Variants in NAALADL2 observed in about 807,000 individuals in gnomAD.
NAALADL2 encodes inactive N-acetylated-alpha-linked acidic dipeptidase-like protein 2.
In NAALADL2, 76 loss-of-function variants were observed where a neutral mutation model predicts 87.2. That is an observed-to-expected ratio of 0.87 (90% CI 0.72 to 1.05). The LOEUF is 1.05. Ranked by LOEUF, NAALADL2 falls within the 50% of genes least tolerant of loss-of-function variation. The pLI, the probability that NAALADL2 is intolerant of heterozygous loss-of-function variation, is 0.00. For synonymous variants in NAALADL2, 354 were observed against 331.0 expected (o/e 1.07, Z -0.75); for missense variants, 1,089 against 945.8 (o/e 1.15, Z -1.99).
intron 1 of NAALADL2, among the ~76,000 whole-genome samples, chr3:175,070,606 A>G (rs1317899111): frequency 1.3e-5 from 2 of 152,084 alleles, no homozygotes; most frequent in Admixed American, 6.6e-5. Context: ...GTCACTACCT[A>G]TCAAAGGAAA....
At chr3:175,550,675 A>T (rs935342006) in intron 9 of NAALADL2, among the ~76,000 whole-genome samples, 1 of 152,174 alleles carries the variant, frequency 6.6e-6, no homozygotes, top group East Asian at 1.9e-4. Context: ...CATTATTCTG[A>T]TCTCAATAAC....
intron 11 of NAALADL2, among the ~76,000 whole-genome samples, chr3:175,645,692 C>T (rs1052873991): frequency 6.6e-6 from 1 of 151,950 alleles, no homozygotes; most frequent in African/African-American, 2.4e-5. Flanking sequence ...AACTAGAGAA[C>T]AAGGTAATGG....
chr3:175,224,480 G>A (rs1743869199), intron 2 of NAALADL2, among the ~76,000 whole-genome samples: 1 of 152,108 alleles, frequency 6.6e-6, no homozygotes, highest in Non-Finnish European at 1.5e-5. Flanking sequence ...TAGCTTTTAT[G>A]CTTAAACCAG....
chr3:175,565,388 A>T (rs1482658699), intron 9 of NAALADL2, among the ~76,000 whole-genome samples: 1 of 152,192 alleles, frequency 6.6e-6, no homozygotes, highest in Non-Finnish European at 1.5e-5. Flanking sequence ...TAATACATTG[A>T]TACTTTCCTA....
At chr3:175,183,495 G>A (rs1040217166) in intron 2 of NAALADL2, among the ~76,000 whole-genome samples, 1 of 151,898 alleles carries the variant, frequency 6.6e-6, no homozygotes, top group Non-Finnish European at 1.5e-5. Context: ...CCTTTATTGT[G>A]TTAAGGTATA....
At chr3:175,131,042 C>G (rs1198320713) in intron 2 of NAALADL2, among the ~76,000 whole-genome samples, 1 of 151,982 alleles carries the variant, frequency 6.6e-6, no homozygotes, top group Admixed American at 6.5e-5. Flanking sequence ...CATGTACATG[C>G]TATATCTTTC....
At chr3:174,641,798 C>T (rs768324242) in intron 2 of NAALADL2, among the ~76,000 whole-genome samples, 1 of 152,166 alleles carries the variant, frequency 6.6e-6, no homozygotes, top group Non-Finnish European at 1.5e-5. Flanking sequence ...TTCTGTCACC[C>T]AGGGTGGATT....
intron 11 of NAALADL2, among the ~76,000 whole-genome samples, chr3:175,695,458 G>A (rs191538204): frequency 1.6e-4 from 24 of 152,148 alleles, no homozygotes; most frequent in East Asian, 3.9e-4. Context: ...TTTTTCCAAC[G>A]TCTGTTGTAG....
chr3:175,351,890 A>G (rs6778170), intron 5 of NAALADL2, among the ~76,000 whole-genome samples: 10,907 of 152,106 alleles, frequency 0.072, 1,214 homozygotes, highest in African/African-American at 0.24. Context: ...CAATTACATC[A>G]TAGAAATAAA....
At chr3:174,827,152 A>T (rs1218375788) in intron 3 of NAALADL2, among the ~76,000 whole-genome samples, 1 of 152,110 alleles carries the variant, frequency 6.6e-6, no homozygotes, top group African/African-American at 2.4e-5. Context: ...TTCTCACCTA[A>T]TAGAATAGTC....
chr3:174,909,641 G>A (rs1733434482), intron 1 of NAALADL2, among the ~76,000 whole-genome samples: 1 of 152,058 alleles, frequency 6.6e-6, no homozygotes, highest in Admixed American at 6.6e-5. Context: ...TACCTACTTG[G>A]TTTCAAATAC....
chr3:174,624,941 T>C (rs1007801160), intron 2 of NAALADL2, among the ~76,000 whole-genome samples: 1 of 152,120 alleles, frequency 6.6e-6, no homozygotes, highest in Non-Finnish European at 1.5e-5. Flanking sequence ...GCATTCTCTT[T>C]AGAAAGTCTT....
intron 1 of NAALADL2, among the ~76,000 whole-genome samples, chr3:174,875,774 C>CTTTA (rs781766045): frequency 3.1e-3 from 476 of 152,108 alleles, no homozygotes; most frequent in Middle Eastern, 0.014. Context: ...CATTTAAAAG[C>CTTTA]AGTCTTAAAG....
At chr3:175,204,647 T>TC (rs1740556187) in intron 2 of NAALADL2, among the ~76,000 whole-genome samples, 2 of 151,486 alleles carry the variant, frequency 1.3e-5, no homozygotes, top group Non-Finnish European at 2.9e-5. Context: ...ATAGAGGAAG[T>TC]CAAACTGTCA....
intron 2 of NAALADL2, among the ~76,000 whole-genome samples, chr3:174,632,933 C>CAAAAAAA (rs56809226): frequency 3.1e-5 from 2 of 63,778 alleles, no homozygotes; most frequent in Middle Eastern, 0.014. Flanking sequence ...GACTCTGTCT[C>CAAAAAAA]AAAAAAAAAA....
chr3:175,697,916 TA>T (rs1738149180), intron 11 of NAALADL2, among the ~76,000 whole-genome samples: 1 of 40,122 alleles, frequency 2.5e-5, no homozygotes, highest in Non-Finnish European at 4.0e-5. Flanking sequence ...TATATGTGTA[TA>T]TATGTATGTA....
At chr3:175,789,138 C>T (rs777186028) in intron 13 of NAALADL2, among the ~76,000 whole-genome samples, 2 of 152,128 alleles carry the variant, frequency 1.3e-5, no homozygotes. Flanking sequence ...TAACTGAAAA[C>T]TCAACAATCC....
In NAALADL2 at chr3:174,946,626, T is replaced by A. The variant is rs1424808456; in HGVS notation, c.43+87176T>A. On this transcript the variant is annotated intron_variant, in intron 1 of 13. Coordinates refer to ENST00000454872, the MANE Select transcript of NAALADL2 (RefSeq NM_207015.3). ...TTTATACATAGTTGAAACATTTTTGTGATTCTGTTTTCACAAAATAATAAA... is the reference window on the plus strand; with the variant it reads ...TTTATACATAGTTGAAACATTTTTGAGATTCTGTTTTCACAAAATAATAAA... Among the ~76,000 whole-genome samples the A allele has an allele frequency of 2.0e-5, 3 of 152,324 alleles. No individual in the cohort carries two copies. In the East Asian group the frequency reaches 5.8e-4, roughly 29 times the overall value.
At chr3:175,756,789 T>C (rs903050076) in intron 13 of NAALADL2, among the ~76,000 whole-genome samples, 5 of 152,018 alleles carry the variant, frequency 3.3e-5, no homozygotes, top group African/African-American at 1.2e-4. Context: ...CCTGCACATA[T>C]ACCTCCTGAA....
Sources: gnomAD v4.1 joint callset for allele counts (sites outside exome capture counted in the v4.1 genomes callset) on GRCh38, gnomAD v4.1.1 for gene constraint, MANE v1.5 for transcripts, NCBI Gene and HGNC (gene_info 2026-07-23, HGNC 2026-07-21) for gene names.